The following FGD4 variants were observed in gnomAD, a reference collection of about 807,000 sequenced individuals.
The protein encoded by FGD4 is FYVE, RhoGEF and PH domain containing 4.
Under a neutral mutation model 102.0 loss-of-function variants are expected in FGD4, and 42 were observed. That is an observed-to-expected ratio of 0.41 (90% confidence interval 0.32 to 0.53). The LOEUF (loss-of-function observed/expected upper bound fraction) is 0.53. Ranked by LOEUF, FGD4 falls within the 20% of genes least tolerant of loss-of-function variation. The pLI is 0.21. For synonymous variants in FGD4, 380 were observed against 375.7 expected, an observed-to-expected ratio of 1.01 and a Z score of -0.13; for missense variants, 902 against 1,078.2, an observed-to-expected ratio of 0.84 and a Z score of 2.29.
At chr12:32,405,781 C>T (rs550250813) in intron 1 of FGD4, among the ~76,000 whole-genome samples, 1 of 152,114 alleles carries the variant, frequency 6.6e-6, no homozygotes, top group South Asian at 2.1e-4. Flanking sequence ...TGGAGTCAGT[C>T]CTTTTACAGG....
chr12:32,569,795 A>C (rs1945491706), intron 2 of FGD4, among the ~76,000 whole-genome samples: 1 of 152,204 alleles, frequency 6.6e-6, no homozygotes, highest in African/African-American at 2.4e-5. Context: ...AAAAAGTGAA[A>C]ATAAACACCC....
At chr12:32,601,842 C>T (rs1948448520) in intron 6 of FGD4, among the ~76,000 whole-genome samples, 1 of 152,224 alleles carries the variant, frequency 6.6e-6, no homozygotes, top group South Asian at 2.1e-4. Flanking sequence ...CGTGGTGGCT[C>T]ATGCCTATAA....
chr12:32,527,778 G>A (rs191843242), intron 1 of FGD4, among the ~76,000 whole-genome samples: 236 of 152,110 alleles, frequency 1.6e-3, no homozygotes, highest in African/African-American at 5.4e-3. Flanking sequence ...AGGAAATGCT[G>A]AAAGAGAAAG....
intron 1 of FGD4, among the ~76,000 whole-genome samples, chr12:32,563,135 C>G (rs1467709424): frequency 6.7e-6 from 1 of 150,090 alleles, no homozygotes; most frequent in Non-Finnish European, 1.5e-5. Flanking sequence ...GCTGGCCTGG[C>G]GGGGGCTGAC....
chr12:32,619,381 C>T (rs1449536295), intron 10 of FGD4, among the ~76,000 whole-genome samples: 8 of 152,046 alleles, frequency 5.3e-5, no homozygotes, highest in Non-Finnish European at 1.0e-4. Context: ...GTAATCCCAG[C>T]ACTTTGGGAG....
chr12:32,595,729 CAATGCCAGTACT>C (rs913316594), intron 4 of FGD4, among the ~76,000 whole-genome samples: 5 of 152,294 alleles, frequency 3.3e-5, no homozygotes, highest in Admixed American at 2.6e-4. Context: ...TGGCAACCAA[CAATGCCAGTACT>C]TTATCCCGAA....
At chr12:32,512,835 AC>A (rs1320746580) in intron 1 of FGD4, among the ~76,000 whole-genome samples, 17 of 152,212 alleles carry the variant, frequency 1.1e-4, no homozygotes, top group African/African-American at 4.1e-4. Context: ...GAGGCGTAAT[AC>A]CTTTCAGAAA....
chr12:32,486,285 A>T (rs1943897548), intron 1 of FGD4: 2 of 876,854 alleles, frequency 2.3e-6, no homozygotes, highest in Non-Finnish European at 3.3e-6. Flanking sequence ...TTGTACCACG[A>T]TGGAAAAATT....
intron 1 of FGD4, among the ~76,000 whole-genome samples, chr12:32,453,880 T>A (rs1942878911): frequency 6.6e-6 from 1 of 152,160 alleles, no homozygotes; most frequent in Non-Finnish European, 1.5e-5. Context: ...AAAACTATCT[T>A]TATATTAGGA....
intron 1 of FGD4, among the ~76,000 whole-genome samples, chr12:32,548,048 T>C (rs1181995463): frequency 6.6e-6 from 1 of 152,150 alleles, no homozygotes; most frequent in African/African-American, 2.4e-5. Flanking sequence ...TCAGGATAAA[T>C]ATTTTTTAGT....
chr12:32,531,257 C>T (rs968105990), intron 1 of FGD4, among the ~76,000 whole-genome samples: 3 of 151,882 alleles, frequency 2.0e-5, no homozygotes, highest in Admixed American at 1.3e-4. Context: ...CCCTCCTAGC[C>T]TCTTTTTTAA....
intron 1 of FGD4, 45 bp from the exon 2 acceptor site, chr12:32,564,092 A>C (rs959395454): frequency 6.6e-7 from 1 of 1,513,106 alleles, no homozygotes; most frequent in African/African-American, 1.4e-5. Context: ...CAGTATTGTG[A>C]TATGCCTCCA....
At chr12:32,513,169 A>C (rs1228180561) in intron 1 of FGD4, among the ~76,000 whole-genome samples, 1 of 152,210 alleles carries the variant, frequency 6.6e-6, no homozygotes, top group African/African-American at 2.4e-5. Flanking sequence ...TGGCCAGGCC[A>C]GGCAATCAGA....
intron 1 of FGD4, among the ~76,000 whole-genome samples, chr12:32,446,929 C>T (rs1215466348): frequency 1.3e-5 from 2 of 152,156 alleles, no homozygotes; most frequent in African/African-American, 4.8e-5. Flanking sequence ...CTGCCCAGAG[C>T]CGGAAGCACA....
rs931473160 is a variant in FGD4, at chr12:32,507,029, T to C, written c.167-57108T>C. ...GTGTCATGCTGGTGTGCTGCACCCA[T>C]TAACTCGTCATTTAGCATTAGGTAT... On this transcript the variant is annotated intron_variant, in intron 1 of 16. Transcript: ENST00000534526. Among the ~76,000 whole-genome samples, 3 of 151,494 alleles carry C rather than the reference T, an allele frequency of 2.0e-5. No individual in the cohort carries two copies. In the South Asian group the frequency reaches 6.3e-4, roughly 32 times the overall value.
chr12:32,440,083 A>G (rs917875503), intron 1 of FGD4, among the ~76,000 whole-genome samples: 7 of 152,232 alleles, frequency 4.6e-5, no homozygotes, highest in Non-Finnish European at 1.0e-4. Context: ...AGTTTCCTCA[A>G]CACGGCTATT....
intron 1 of FGD4, among the ~76,000 whole-genome samples, chr12:32,541,166 G>A (rs1182465684): frequency 6.6e-6 from 1 of 151,960 alleles, no homozygotes; most frequent in African/African-American, 2.4e-5. Context: ...TAATGGATAA[G>A]CTAGAAGCAG....
chr12:32,510,227 C>T (rs551149749), intron 1 of FGD4, among the ~76,000 whole-genome samples: 91 of 152,306 alleles, frequency 6.0e-4, no homozygotes, highest in Non-Finnish European at 9.3e-4. Flanking sequence ...AAGCTAGTAA[C>T]GTTCAACAAT....
intron 1 of FGD4, among the ~76,000 whole-genome samples, chr12:32,438,066 A>G (rs1942293677): frequency 6.6e-6 from 1 of 152,114 alleles, no homozygotes; most frequent in African/African-American, 2.4e-5. Flanking sequence ...TAATTTCTAT[A>G]GTTTTAGTAG....
Sources: gnomAD v4.1 joint callset for allele counts (sites outside exome capture counted in the v4.1 genomes callset) on GRCh38, gnomAD v4.1.1 for gene constraint, MANE v1.5 for transcripts, NCBI Gene and HGNC (gene_info 2026-07-23, HGNC 2026-07-21) for gene names.